Variants in LAMP5 observed in about 807,000 individuals in gnomAD.
The protein encoded by LAMP5 is lysosome-associated membrane glycoprotein 5.
A neutral mutation model predicts 30.2 loss-of-function variants in LAMP5; 36 were observed. That is an observed-to-expected ratio of 1.19 (90% confidence interval 0.91 to 1.57). The LOEUF is 1.57. Among genes scored for constraint, LAMP5 ranks in the 40% most tolerant of loss-of-function variants. The pLI, the probability that LAMP5 is intolerant of heterozygous loss-of-function variation, is 0.00. For synonymous variants in LAMP5, 149 were observed against 134.6 expected, an observed-to-expected ratio of 1.11 and a Z score of -0.74; for missense variants, 377 against 354.9, an observed-to-expected ratio of 1.06 and a Z score of -0.50.
At position 9,530,098 on chromosome 20, in the gene LAMP5, A is replaced by T. The variant is rs903297555; in HGVS notation, c.*278A>T. On this transcript the variant is annotated 3_prime_UTR_variant, in exon 6 of 6. Coordinates refer to ENST00000246070, the MANE Select transcript of LAMP5 (RefSeq NM_012261.4). ...TCGTGCTCATGGTGGCTTGGCTTTG[A>T]CTCTCCAAAGAGCAATAAATGCCAC... 3 of 301,532 alleles carry T rather than the reference A, an allele frequency of 9.9e-6. No individual in the cohort carries two copies. The East Asian group carries it at 1.7e-4, about 17-fold the overall frequency. The allele number at this position is 301,532 out of a possible 1,614,324, so 18.7% of individuals were successfully genotyped here. A position where few individuals can be genotyped will look rare whatever the true frequency, so the allele number is the denominator to read the frequency against.
At chr20:9,516,172 C>A in intron 3 of LAMP5, 41 bp downstream of exon 3, 1 of 1,594,554 alleles carries the variant, frequency 6.3e-7, no homozygotes, top group Non-Finnish European at 8.5e-7. Context: ...GCAGGCTCCG[C>A]GTGGGTGTGG....
At chr20:9,519,114 A>G (rs932842662) in intron 5 of LAMP5, among the ~76,000 whole-genome samples, 5 of 152,220 alleles carry the variant, frequency 3.3e-5, no homozygotes, top group African/African-American at 1.2e-4. Flanking sequence ...GTCAAGCAAC[A>G]ATTCACGTTG....
Position 9,514,667 on chromosome 20 carries a change from A to G in LAMP5, c.-186A>G, listed in dbSNP as rs1434275542. On this transcript the variant is annotated 5_prime_UTR_variant, in exon 1 of 6. Coordinates refer to ENST00000246070, the MANE Select transcript of LAMP5 (RefSeq NM_012261.4). ...CAGTGAGCCGATTTGCTCTGCCAGC[A>G]GCTGTCGGTGCCGCGCTCGACACCG... 1.9e-6 allele frequency: 1 copy of G among 514,300 alleles called. No homozygotes were observed. Among genetic ancestry groups the G allele is most frequent in the Admixed American group, 3.1e-5 (1 of 32,580 alleles). The allele number at this position is 514,300 out of a possible 1,614,324, so 31.9% of individuals were successfully genotyped here.
At chr20:9,520,779 T>C (rs2045075015) in intron 5 of LAMP5, among the ~76,000 whole-genome samples, 1 of 152,170 alleles carries the variant, frequency 6.6e-6, no homozygotes, top group Non-Finnish European at 1.5e-5. Context: ...AAGTGGACAC[T>C]CACAAGGGCT....
intron 5 of LAMP5, among the ~76,000 whole-genome samples, chr20:9,526,394 C>G (rs1463367690): frequency 6.6e-6 from 1 of 152,210 alleles, no homozygotes; most frequent in African/African-American, 2.4e-5. Context: ...ACATGGGCAA[C>G]AGAGTGTTAT....
chr20:9,519,940 A>G (rs1366969838), intron 5 of LAMP5, among the ~76,000 whole-genome samples: 1 of 152,212 alleles, frequency 6.6e-6, no homozygotes, highest in Non-Finnish European at 1.5e-5. Context: ...AACCTCATAG[A>G]TTTTTAGAAT....
chr20:9,520,446 A>C (rs1459336520), intron 5 of LAMP5, among the ~76,000 whole-genome samples: 2 of 152,128 alleles, frequency 1.3e-5, no homozygotes, highest in African/African-American at 2.4e-5. Context: ...GGGATCTATC[A>C]CTGGGCCTTT....
chr20:9,518,166 T>C lies in LAMP5; in HGVS notation c.602T>C (p.Met201Thr). ...ASSDPQKTVT[M>T]ILSAVHIQPF... is the part of the protein sequence containing the mutation. ...AGTGATCCGCAGAAGACGGTCACCA[T>C]GATCCTGTCTGCGGTCCACATCCAA... The change falls in exon 5 of 6, where the codon ATG (methionine) becomes ACG (threonine). Residue 201 changes from methionine to threonine, a missense_variant. Transcript: ENST00000246070. The C allele has an allele frequency of 6.2e-7, 1 of 1,614,214 alleles. No homozygotes were observed. The highest frequency in any genetic ancestry group is 8.5e-7 in the Non-Finnish European group (1 of 1,180,030).
At chr20:9,519,388 C>G (rs1224099317) in intron 5 of LAMP5, among the ~76,000 whole-genome samples, 1 of 152,184 alleles carries the variant, frequency 6.6e-6, no homozygotes, top group Admixed American at 6.5e-5. Context: ...TCCACTCAAC[C>G]TATTCCAGAA....
chr20:9,515,836 CG>C (rs1229334209), intron 2 of LAMP5, among the ~76,000 whole-genome samples, 163 bp from the exon 3 acceptor site: 1 of 152,240 alleles, frequency 6.6e-6, no homozygotes, highest in African/African-American at 2.4e-5. Flanking sequence ...GCTTCCCTAT[CG>C]GGGCTGCACG....
Position 9,515,643 on chromosome 20 carries a change from C to CG in LAMP5, c.237+18_237+19insG, listed in dbSNP as rs770490803. 4 of 1,612,076 alleles carry CG rather than the reference C, an allele frequency of 2.5e-6. No individual in the cohort carries two copies. The highest frequency in any genetic ancestry group is 1.3e-5 in the African/African-American group (1 of 74,878). The stretch of plus-strand genomic sequence containing the variant: ...ACGTAGATGTAAGGAATCTTTCCCC[C>CG]CCCTCAGCTTGCTCCTAGGGCTCCA... On this transcript the variant is annotated intron_variant, in intron 2 of 5. Transcript: ENST00000246070.
At chr20:9,520,654 A>G (rs141873232) in intron 5 of LAMP5, among the ~76,000 whole-genome samples, 57 of 151,870 alleles carry the variant, frequency 3.8e-4, no homozygotes, top group African/African-American at 1.3e-3. Flanking sequence ...GCACAGCATA[A>G]TGGTTTCCTG....
chr20:9,529,585 C>T, intron 5 of LAMP5, 57 bp from the exon 6 acceptor site: 1 of 1,524,420 alleles, frequency 6.6e-7, no homozygotes, highest in Non-Finnish European at 9.0e-7. Context: ...TTTTGTAGAA[C>T]TTATGATTCA....
intron 2 of LAMP5, 107 bp from the exon 3 acceptor site, chr20:9,515,893 C>A: frequency 7.6e-7 from 1 of 1,312,874 alleles, no homozygotes. Context: ...TGCGCGCGCG[C>A]AAAGGAGCGC....
intron 5 of LAMP5, among the ~76,000 whole-genome samples, chr20:9,519,113 C>T (rs140769601): frequency 6.6e-6 from 1 of 152,316 alleles, no homozygotes; most frequent in East Asian, 1.9e-4. Flanking sequence ...AGTCAAGCAA[C>T]AATTCACGTT....
rs1037877889 is a variant in LAMP5, at chr20:9,514,976, G to A, written c.64+60G>A. On this transcript the variant is annotated intron_variant, in intron 1 of 5. Transcript: ENST00000246070. Reference sequence around the variant, plus strand: ...GGCACTCTTTGCAGAGAACAGAGCCGGCAAAGTAAAGTCAATTAGCTTGAG... The same window carrying A: ...GGCACTCTTTGCAGAGAACAGAGCCAGCAAAGTAAAGTCAATTAGCTTGAG... 36 of 1,467,400 alleles carry A rather than the reference G, an allele frequency of 2.5e-5. No homozygotes were observed. In the East Asian group the frequency reaches 3.2e-4, roughly 13 times the overall value. The allele number at this position is 1,467,400 out of a possible 1,614,324, so 90.9% of individuals were successfully genotyped here.
chr20:9,524,547 C>T (rs2045099095), intron 5 of LAMP5, among the ~76,000 whole-genome samples: 1 of 142,600 alleles, frequency 7.0e-6, no homozygotes, highest in African/African-American at 2.6e-5. Flanking sequence ...GAAAAGCGTG[C>T]CCTGCTTTTA....
chr20:9,524,230 A>G (rs6056667), intron 5 of LAMP5, among the ~76,000 whole-genome samples: 97 of 152,268 alleles, frequency 6.4e-4, no homozygotes, highest in African/African-American at 2.2e-3. Context: ...TTGTAATTGT[A>G]TGTATTTTAT....
intron 1 of LAMP5, 147 bp from the exon 2 acceptor site, chr20:9,515,306 G>T: frequency 1.5e-6 from 1 of 657,034 alleles, no homozygotes; most frequent in Non-Finnish European, 2.6e-6. Flanking sequence ...TGTTAGACCC[G>T]GGTTAGAGAA....
Sources: allele counts gnomAD v4.1 joint callset (sites outside exome capture counted in the v4.1 genomes callset), GRCh38; gene constraint gnomAD v4.1.1; transcripts MANE v1.5; gene names NCBI Gene and HGNC (gene_info 2026-07-23, HGNC 2026-07-21).